The following SEMA3A variants were observed in gnomAD, a reference collection of about 807,000 sequenced individuals.
SEMA3A encodes semaphorin 3A, also known as semaphorin-3A.
In SEMA3A, 29 loss-of-function variants were observed where a neutral mutation model predicts 97.9. The observed-to-expected ratio is 0.30, with a 90% confidence interval of 0.22 to 0.40. SEMA3A has a LOEUF of 0.40. Ranked by LOEUF, SEMA3A falls within the 10% of genes least tolerant of loss-of-function variation. SEMA3A has a pLI of 1.00. For synonymous variants in SEMA3A, 321 were observed against 323.7 expected (o/e 0.99, Z 0.09); for missense variants, 763 against 951.3 (o/e 0.80, Z 2.60).
intron 1 of SEMA3A, among the ~76,000 whole-genome samples, chr7:84,136,576 C>T (rs1169308255): frequency 6.6e-6 from 1 of 152,094 alleles, no homozygotes; most frequent in Non-Finnish European, 1.5e-5. Context: ...AATGCAACTG[C>T]CAAGAAATTC....
chr7:84,177,943 A>G (rs906113310), intron 1 of SEMA3A, among the ~76,000 whole-genome samples: 2 of 152,144 alleles, frequency 1.3e-5, no homozygotes, highest in African/African-American at 2.4e-5. Flanking sequence ...TAATGTATAC[A>G]TATTGGCTTA....
chr7:84,169,163 A>ATATTTC (rs1416957790), intron 1 of SEMA3A, among the ~76,000 whole-genome samples: 1 of 151,570 alleles, frequency 6.6e-6, no homozygotes, highest in African/African-American at 2.4e-5. Flanking sequence ...TAAATTATAA[A>ATATTTC]TATTTCTATT....
intron 2 of SEMA3A, among the ~76,000 whole-genome samples, chr7:84,336,494 G>A (rs1802041517): frequency 1.3e-5 from 2 of 152,054 alleles, no homozygotes; most frequent in African/African-American, 2.4e-5. Context: ...TGAGTAGATG[G>A]AACTAAAAAA....
At chr7:84,011,955 G>T (rs1048245940) in intron 7 of SEMA3A, among the ~76,000 whole-genome samples, 36 of 152,062 alleles carry the variant, frequency 2.4e-4, no homozygotes, top group Non-Finnish European at 3.2e-4. Context: ...TAAACCGGGG[G>T]ACATTATGTT....
At chr7:84,261,797 G>A (rs1273454792) in intron 3 of SEMA3A, among the ~76,000 whole-genome samples, 9 of 152,252 alleles carry the variant, frequency 5.9e-5, no homozygotes, top group Admixed American at 2.0e-4. Context: ...AATGCCAAGT[G>A]GGTGGAACAA....
chr7:84,247,745 C>T (rs1252270643), intron 3 of SEMA3A, among the ~76,000 whole-genome samples: 2 of 152,292 alleles, frequency 1.3e-5, no homozygotes, highest in African/African-American at 2.4e-5. Context: ...CCCCAGTGAA[C>T]ACTCACCACC....
At chr7:84,379,170 G>A (rs926446264) in intron 1 of SEMA3A, among the ~76,000 whole-genome samples, 5 of 151,958 alleles carry the variant, frequency 3.3e-5, no homozygotes, top group Non-Finnish European at 5.9e-5. Flanking sequence ...CTCATGATCC[G>A]CCTGCCTCGG....
chr7:84,376,640 T>TCACATC (rs1803111493), intron 1 of SEMA3A, among the ~76,000 whole-genome samples: 1 of 148,826 alleles, frequency 6.7e-6, no homozygotes, highest in Non-Finnish European at 1.5e-5. Flanking sequence ...AAAGAAGTGT[T>TCACATC]CACATCTTCA....
At chr7:84,189,671 T>C (rs1797981717) in intron 1 of SEMA3A, among the ~76,000 whole-genome samples, 1 of 151,708 alleles carries the variant, frequency 6.6e-6, no homozygotes, top group Admixed American at 6.6e-5. Flanking sequence ...CAATTATTTA[T>C]TCACATTAAG....
chr7:84,336,503 A>G (rs929560479), intron 2 of SEMA3A, among the ~76,000 whole-genome samples: 1 of 152,182 alleles, frequency 6.6e-6, no homozygotes, highest in Non-Finnish European at 1.5e-5. Context: ...GGAACTAAAA[A>G]AAGCTGGTCT....
intron 5 of SEMA3A, among the ~76,000 whole-genome samples, chr7:84,059,228 G>A (rs1232865236): frequency 6.6e-6 from 1 of 152,084 alleles, no homozygotes; most frequent in Non-Finnish European, 1.5e-5. Flanking sequence ...AGTGTGCTAG[G>A]TATGCTGCCT....
intron 3 of SEMA3A, among the ~76,000 whole-genome samples, chr7:84,297,964 A>C (rs932003655): frequency 6.6e-6 from 1 of 152,212 alleles, no homozygotes; most frequent in Non-Finnish European, 1.5e-5. Context: ...GCATCATTTT[A>C]GCCAATAATT....
intron 1 of SEMA3A, among the ~76,000 whole-genome samples, chr7:84,192,638 T>G (rs1025907016): frequency 1.3e-5 from 2 of 151,940 alleles, no homozygotes; most frequent in African/African-American, 4.8e-5. Flanking sequence ...ATATTTTTAA[T>G]GTACAGAAAG....
At chr7:84,081,426 A>C (rs925863185) in intron 4 of SEMA3A, among the ~76,000 whole-genome samples, 4 of 151,998 alleles carry the variant, frequency 2.6e-5, no homozygotes, top group Non-Finnish European at 4.4e-5. Context: ...CCCCGTCTCT[A>C]CTAAAAATAC....
chr7:84,053,612 A>G (rs894005601), intron 5 of SEMA3A, among the ~76,000 whole-genome samples: 3 of 147,670 alleles, frequency 2.0e-5, no homozygotes, highest in African/African-American at 7.4e-5. Flanking sequence ...GTGTCTCTGC[A>G]CGTGAGATGG....
At chr7:84,456,257 G>A (rs956664607) in intron 1 of SEMA3A, among the ~76,000 whole-genome samples, 1 of 151,780 alleles carries the variant, frequency 6.6e-6, no homozygotes, top group African/African-American at 2.4e-5. Context: ...CAACATATAG[G>A]ATGCTTCAAA....
At chr7:84,043,741 C>T (rs900258312) in intron 6 of SEMA3A, among the ~76,000 whole-genome samples, 1 of 152,050 alleles carries the variant, frequency 6.6e-6, no homozygotes, top group South Asian at 2.1e-4. Flanking sequence ...CTGTTTTTTG[C>T]ACCCTGTCAG....
intron 3 of SEMA3A, among the ~76,000 whole-genome samples, chr7:84,238,217 C>T (rs1799279783): frequency 6.6e-6 from 1 of 152,134 alleles, no homozygotes; most frequent in Non-Finnish European, 1.5e-5. Context: ...CAGGTGCCCA[C>T]CACCACACCA....
intron 3 of SEMA3A, among the ~76,000 whole-genome samples, chr7:84,303,353 C>CT (rs111338989): frequency 2.6e-5 from 4 of 152,018 alleles, no homozygotes; most frequent in East Asian, 1.9e-4. Flanking sequence ...CAAGCCATCT[C>CT]TTTTTTTAAA....
Sources: gnomAD v4.1 joint callset for allele counts (sites outside exome capture counted in the v4.1 genomes callset) on GRCh38, gnomAD v4.1.1 for gene constraint, MANE v1.5 for transcripts, NCBI Gene and HGNC (gene_info 2026-07-23, HGNC 2026-07-21) for gene names.